LRRC8C: variants seen among roughly 807,000 people sequenced by gnomAD.
LRRC8C encodes volume-regulated anion channel subunit LRRC8C.
A neutral mutation model predicts 55.3 loss-of-function variants in LRRC8C; 20 were observed. That is an observed-to-expected ratio of 0.36 (90% CI 0.25 to 0.53). The LOEUF is 0.53. Ranked by LOEUF, LRRC8C falls within the 20% of genes least tolerant of loss-of-function variation. LRRC8C has a pLI of 0.92. For missense variants in LRRC8C, 659 were observed against 951.4 expected (o/e 0.69, Z 4.04); for synonymous variants, 376 against 360.7 (o/e 1.04, Z -0.48).
rs1658891712 is a variant in LRRC8C at position 89,718,669 on chromosome 1, G to A, written c.*3687G>A. ...ATGAAAAGTGTCAGCATACTTAGTA[G>A]TGAACAGATAAAGTCAATTTGAATA... On this transcript the variant is annotated 3_prime_UTR_variant, in exon 3 of 3. Transcript: ENST00000370454. 1 of 152,164 alleles carries A rather than the reference G, an allele frequency of 6.6e-6. No individual in the cohort carries two copies. Among genetic ancestry groups the A allele is most frequent in the Non-Finnish European group, 1.5e-5 (1 of 68,004 alleles). 9.4% of individuals were successfully genotyped at this position (152,164 alleles called of 1,614,324 possible). A position where few individuals can be genotyped will look rare whatever the true frequency, so the allele number is the denominator to read the frequency against.
chr1:89,669,650 G>C (rs926253433), intron 1 of LRRC8C, among the ~76,000 whole-genome samples: 2 of 152,170 alleles, frequency 1.3e-5, no homozygotes, highest in Admixed American at 6.5e-5. Context: ...TGAGAAAACA[G>C]AAGGATTAAG....
intron 2 of LRRC8C, among the ~76,000 whole-genome samples, chr1:89,704,205 C>T (rs190477745): frequency 1.2e-4 from 19 of 152,224 alleles, no homozygotes; most frequent in East Asian, 7.7e-4. Context: ...GCAATGAACC[C>T]GCCAACCTCA....
intron 1 of LRRC8C, among the ~76,000 whole-genome samples, chr1:89,681,315 T>C (rs916840414): frequency 6.6e-6 from 1 of 152,254 alleles, no homozygotes; most frequent in Non-Finnish European, 1.5e-5. Context: ...GCAAAAGGTC[T>C]ATCTACCTTC....
intron 2 of LRRC8C, among the ~76,000 whole-genome samples, chr1:89,687,361 G>A (rs1287873533): frequency 3.3e-5 from 5 of 152,198 alleles, no homozygotes; most frequent in Non-Finnish European, 7.3e-5. Flanking sequence ...AGTTAGTCAA[G>A]AACCTCTCCT....
intron 1 of LRRC8C, among the ~76,000 whole-genome samples, chr1:89,658,941 A>G (rs1017124382): frequency 3.3e-5 from 5 of 152,170 alleles, no homozygotes; most frequent in Non-Finnish European, 7.3e-5. Context: ...TTTTAAAAAA[A>G]GTATCTGAGT....
chr1:89,692,307 A>C (rs192732820), intron 2 of LRRC8C, among the ~76,000 whole-genome samples: 17 of 152,354 alleles, frequency 1.1e-4, no homozygotes, highest in African/African-American at 4.1e-4. Flanking sequence ...ACAAGGCAAA[A>C]TCTAAGGTGA....
At chr1:89,689,798 G>A (rs954466146) in intron 2 of LRRC8C, among the ~76,000 whole-genome samples, 10 of 152,116 alleles carry the variant, frequency 6.6e-5, no homozygotes, top group South Asian at 2.1e-4. Context: ...AAAATTAGCC[G>A]GGCATGTTGG....
chr1:89,687,130 A>G (rs996690503), intron 2 of LRRC8C, among the ~76,000 whole-genome samples: 57 of 152,354 alleles, frequency 3.7e-4, no homozygotes, highest in African/African-American at 1.2e-3. Context: ...TATTTTTTAC[A>G]TAGCTGCTAT....
chr1:89,667,719 T>G lies in LRRC8C; in HGVS notation c.-4-18751T>G, dbSNP rs1657310904. Among the ~76,000 whole-genome samples, 3 of 152,126 alleles carry G rather than the reference T, an allele frequency of 2.0e-5. No individual in the cohort carries two copies. The South Asian group carries it at 6.2e-4, about 31-fold the overall frequency. On this transcript the variant is annotated intron_variant, in intron 1 of 2. Transcript: ENST00000370454. ...ACATTCCCTTAAAAGAGCTAAAACT[T>G]TAAAGTGGTTTGCTATGTTTTGATA...
chr1:89,682,685 G>T, intron 1 of LRRC8C, among the ~76,000 whole-genome samples: 1 of 152,200 alleles, frequency 6.6e-6, no homozygotes, highest in East Asian at 1.9e-4. Context: ...GTACACACTT[G>T]AAATTAAAAA....
intron 2 of LRRC8C, among the ~76,000 whole-genome samples, chr1:89,698,295 C>T (rs1023834909): frequency 6.6e-6 from 1 of 152,128 alleles, no homozygotes; most frequent in African/African-American, 2.4e-5. Context: ...CATATGCTTG[C>T]CTTAGCTGTG....
intron 2 of LRRC8C, among the ~76,000 whole-genome samples, chr1:89,687,740 G>A (rs1468363698): frequency 1.3e-5 from 2 of 152,134 alleles, no homozygotes; most frequent in Admixed American, 6.5e-5. Context: ...TAGCAACTAC[G>A]TCATTAGAAA....
At chr1:89,623,223 T>A in the LRRC8C span, among the ~76,000 whole-genome samples, 4 of 152,038 alleles carry the variant, frequency 2.6e-5, no homozygotes, top group Non-Finnish European at 5.9e-5. Flanking sequence ...ACATGGTAAT[T>A]CCTTTTCACT....
intron 1 of LRRC8C, among the ~76,000 whole-genome samples, chr1:89,657,892 C>T (rs2101207233): frequency 6.6e-6 from 1 of 152,056 alleles, no homozygotes; most frequent in Non-Finnish European, 1.5e-5. Flanking sequence ...TAAACAAAAA[C>T]ATAGTTGATA....
In LRRC8C at chr1:89,642,718, C is replaced by T. The variant is rs531787535; in HGVS notation, c.-5+9396C>T. 2.2e-4 allele frequency among the ~76,000 whole-genome samples: 33 copies of T among 152,250 alleles called. 2 individuals carry two copies. In the South Asian group the frequency reaches 6.4e-3, roughly 30 times the overall value. ...CAAAAATTAGCCAGGCATAGTGGCA[C>T]GCACCTGTAATCCCGGCTACGCGGG... is the stretch of plus-strand genomic sequence containing the variant. On this transcript the variant is annotated intron_variant, in intron 1 of 2. Coordinates refer to ENST00000370454, the MANE Select transcript of LRRC8C (RefSeq NM_032270.5).
chr1:89,714,600 C>G lies in LRRC8C; in HGVS notation c.2030C>G (p.Ser677Cys), dbSNP rs755778760. 2 of 1,614,016 alleles carry G rather than the reference C, an allele frequency of 1.2e-6. No homozygotes were observed. Among genetic ancestry groups the G allele is most frequent in the Admixed American group, 3.3e-5 (2 of 60,018 alleles). Residue 677 changes from serine to cysteine, a missense_variant, in exon 3 of 3, where the codon TCC becomes TGC. Ser to Cys is a moderately radical substitution (Grantham distance 112). Around this residue, in one of 5 missense-constraint regions of LRRC8C, gnomAD observed 344 missense variants for 464.6 expected, o/e 0.74. Transcript: ENST00000370454. This position sits in a 1 kb window ranked among gnomAD's most constrained non-coding sequence, Gnocchi z 4.6. The part of the protein sequence containing the change: ...FSHNKIEVLP[S>C]HLFLCNKIRY... ...CACAATAAAATAGAGGTGCTGCCTT[C>G]CCACCTCTTCCTATGCAACAAGATC...
intron 1 of LRRC8C, among the ~76,000 whole-genome samples, chr1:89,682,292 TAAG>T (rs1657737956): frequency 1.3e-5 from 2 of 152,218 alleles, no homozygotes; most frequent in African/African-American, 2.4e-5. Flanking sequence ...GTGCCAATAT[TAAG>T]AAGCAGTAGA....
chr1:89,690,420 TG>T (rs1230028118), intron 2 of LRRC8C, among the ~76,000 whole-genome samples: 2 of 152,014 alleles, frequency 1.3e-5, no homozygotes, highest in Admixed American at 6.5e-5. Flanking sequence ...TAGAGGAAGG[TG>T]ACATAGATTA....
chr1:89,648,494 C>T (rs1300191936), intron 1 of LRRC8C, among the ~76,000 whole-genome samples: 1 of 152,138 alleles, frequency 6.6e-6, no homozygotes, highest in Non-Finnish European at 1.5e-5. Flanking sequence ...AAGTTAATAT[C>T]TTCTAGTTTA....
Sources: allele counts gnomAD v4.1 joint callset (sites outside exome capture counted in the v4.1 genomes callset), GRCh38; gene constraint gnomAD v4.1.1; regional missense constraint gnomAD v4.1.1; non-coding constraint Gnocchi (gnomAD v3.1); transcripts MANE v1.5; gene names NCBI Gene and HGNC (gene_info 2026-07-23, HGNC 2026-07-21).